BMPR1B: variants seen among roughly 807,000 people sequenced by gnomAD.
The protein encoded by BMPR1B is bone morphogenetic protein receptor type-1B.
A neutral mutation model predicts 59.1 loss-of-function variants in BMPR1B; 12 were observed. The observed-to-expected ratio is 0.20, with a 90% CI of 0.13 to 0.33. The LOEUF is 0.33. Ranked by LOEUF, BMPR1B falls within the 10% of genes least tolerant of loss-of-function variation. The pLI is 1.00. For synonymous variants in BMPR1B, 237 were observed against 207.3 expected (o/e 1.14, Z -1.23); for missense variants, 550 against 610.9 (o/e 0.90, Z 1.05).
intron 2 of BMPR1B, among the ~76,000 whole-genome samples, chr4:94,907,382 C>G (rs1728087054): frequency 6.6e-6 from 1 of 152,012 alleles, no homozygotes; most frequent in South Asian, 2.1e-4. Flanking sequence ...TCAACATTAT[C>G]CATTTTTGAA....
intron 3 of BMPR1B, among the ~76,000 whole-genome samples, chr4:95,064,576 G>A (rs561312756): frequency 3.3e-5 from 5 of 152,154 alleles, no homozygotes; most frequent in South Asian, 4.2e-4. Context: ...AGAGCACGTC[G>A]CCAAGAAAGT....
chr4:95,135,446 C>T (rs906918768), intron 10 of BMPR1B, among the ~76,000 whole-genome samples: 1 of 152,054 alleles, frequency 6.6e-6, no homozygotes, highest in African/African-American at 2.4e-5. Context: ...TATAAATTAC[C>T]TTGGGCAGTA....
At chr4:95,102,061 T>C (rs1336784391) in intron 3 of BMPR1B, among the ~76,000 whole-genome samples, 1 of 152,220 alleles carries the variant, frequency 6.6e-6, no homozygotes, top group Non-Finnish European at 1.5e-5. Flanking sequence ...AATGGCTATA[T>C]AGGAATCCCA....
At chr4:94,827,421 A>G (rs1030028406) in intron 1 of BMPR1B, among the ~76,000 whole-genome samples, 1 of 152,200 alleles carries the variant, frequency 6.6e-6, no homozygotes. Flanking sequence ...TAAACTTTAT[A>G]TATTTCTCAA....
At chr4:95,087,006 T>C (rs1270820327) in intron 3 of BMPR1B, among the ~76,000 whole-genome samples, 12 of 142,326 alleles carry the variant, frequency 8.4e-5, no homozygotes, top group South Asian at 4.6e-4. Flanking sequence ...TTCTTTTTTT[T>C]TTTTTTTTTT....
At chr4:94,936,136 T>C (rs907600971) in intron 2 of BMPR1B, among the ~76,000 whole-genome samples, 2 of 152,250 alleles carry the variant, frequency 1.3e-5, no homozygotes, top group African/African-American at 4.8e-5. Context: ...CATGTTTATC[T>C]GACCGTGGTA....
At chr4:94,811,307 C>T (rs1230892044) in intron 1 of BMPR1B, among the ~76,000 whole-genome samples, 6 of 152,122 alleles carry the variant, frequency 3.9e-5, no homozygotes, top group African/African-American at 7.2e-5. Flanking sequence ...TACTTATGTG[C>T]ATGAAACCTA....
Position 95,053,594 on chromosome 4 carries a change from G to T in BMPR1B, c.-17-50814G>T, listed in dbSNP as rs528550235. 2.0e-5 allele frequency among the ~76,000 whole-genome samples: 3 copies of T among 152,140 alleles called. No homozygotes were observed. In the South Asian group the frequency reaches 6.2e-4, roughly 32 times the overall value. Reference sequence around the variant, plus strand: ...TAATATTACCTGAAAGTTTGCTGTTGTTAGTATCATTATTAATAATTAATT... The same window carrying T: ...TAATATTACCTGAAAGTTTGCTGTTTTTAGTATCATTATTAATAATTAATT... On this transcript the variant is annotated intron_variant, in intron 3 of 12. Coordinates refer to ENST00000515059, the MANE Select transcript of BMPR1B (RefSeq NM_001203.3).
chr4:95,132,802 C>CT (rs1194526387), intron 10 of BMPR1B, among the ~76,000 whole-genome samples: 1 of 152,164 alleles, frequency 6.6e-6, no homozygotes, highest in East Asian at 1.9e-4. Flanking sequence ...AATTTGGCTT[C>CT]TGTTCCATTC....
At chr4:95,136,361 C>G (rs1339086295) in intron 10 of BMPR1B, among the ~76,000 whole-genome samples, 1 of 152,106 alleles carries the variant, frequency 6.6e-6, no homozygotes, top group Non-Finnish European at 1.5e-5. Context: ...GATATTGGGT[C>G]TAAAATTCTC....
rs574780750 is a variant in BMPR1B, at chr4:94,927,417, T to C, written c.-113+51517T>C. 2.3e-4 allele frequency among the ~76,000 whole-genome samples: 35 copies of C among 152,226 alleles called. 1 individual carries two copies. In the South Asian group the frequency reaches 6.9e-3, roughly 30 times the overall value. ...CAAGGCACAGACATTCTGTGAGGGCTCCTAAAAGGGCAGGATCAGAGATGA... is the reference window on the plus strand; with the variant it reads ...CAAGGCACAGACATTCTGTGAGGGCCCCTAAAAGGGCAGGATCAGAGATGA... On this transcript the variant is annotated intron_variant, in intron 2 of 12. Transcript: ENST00000515059.
intron 2 of BMPR1B, among the ~76,000 whole-genome samples, chr4:94,988,154 G>A (rs1461927211): frequency 1.3e-5 from 2 of 151,890 alleles, no homozygotes; most frequent in Non-Finnish European, 2.9e-5. Flanking sequence ...AAATTATATT[G>A]CGAATATTTA....
At chr4:94,871,420 C>T (rs962136226) in intron 1 of BMPR1B, among the ~76,000 whole-genome samples, 2 of 152,058 alleles carry the variant, frequency 1.3e-5, no homozygotes, top group African/African-American at 2.4e-5. Flanking sequence ...GTATTTTACA[C>T]CTTCAAGATT....
At chr4:94,862,909 C>T (rs112009787) in intron 1 of BMPR1B, among the ~76,000 whole-genome samples, 1 of 147,332 alleles carries the variant, frequency 6.8e-6, no homozygotes, top group South Asian at 2.1e-4. Context: ...CGCGCCTCTG[C>T]ACTCCAGCCT....
At chr4:95,051,232 G>A (rs997500495) in intron 3 of BMPR1B, among the ~76,000 whole-genome samples, 3 of 152,146 alleles carry the variant, frequency 2.0e-5, no homozygotes, top group African/African-American at 7.2e-5. Context: ...ATTATTTCTT[G>A]TTTTCTTTTT....
chr4:94,833,898 A>C (rs1248450048), intron 1 of BMPR1B, among the ~76,000 whole-genome samples: 1 of 152,194 alleles, frequency 6.6e-6, no homozygotes, highest in African/African-American at 2.4e-5. Context: ...GGTAATCCTG[A>C]TACATGAGAT....
chr4:95,108,321 T>A (rs1252192381), intron 4 of BMPR1B, among the ~76,000 whole-genome samples: 1 of 152,074 alleles, frequency 6.6e-6, no homozygotes, highest in African/African-American at 2.4e-5. Context: ...AGGATAAGGT[T>A]GTATTTTCTA....
At chr4:94,885,102 C>T (rs749784369) in intron 2 of BMPR1B, among the ~76,000 whole-genome samples, 35 of 152,296 alleles carry the variant, frequency 2.3e-4, no homozygotes, top group Non-Finnish European at 4.0e-4. Flanking sequence ...GAACAGCCAA[C>T]ATCAGCAGAG....
intron 3 of BMPR1B, among the ~76,000 whole-genome samples, chr4:95,069,522 CTT>C (rs1391260432): frequency 1.3e-5 from 2 of 152,178 alleles, no homozygotes; most frequent in Non-Finnish European, 2.9e-5. Flanking sequence ...TCAAAACTGA[CTT>C]TTACATGGAG....
Sources: gnomAD v4.1 joint callset for allele counts (sites outside exome capture counted in the v4.1 genomes callset) on GRCh38, gnomAD v4.1.1 for gene constraint, MANE v1.5 for transcripts, NCBI Gene and HGNC (gene_info 2026-07-23, HGNC 2026-07-21) for gene names.